The following SUGCT variants were observed in gnomAD, a reference collection of about 807,000 sequenced individuals.
SUGCT encodes succinyl-CoA:glutarate CoA-transferase.
SUGCT carries 41 observed loss-of-function variants against 55.0 expected under a neutral mutation model. That is an observed-to-expected ratio of 0.74 (90% CI 0.58 to 0.97). The LOEUF (loss-of-function observed/expected upper bound fraction) is 0.97. Among genes scored for constraint, SUGCT ranks in the 50% least tolerant of loss-of-function variants. SUGCT has a pLI of 0.00. For missense variants in SUGCT, 568 were observed against 547.8 expected, an observed-to-expected ratio of 1.04 and a Z score of -0.37; for synonymous variants, 187 against 200.4, an observed-to-expected ratio of 0.93 and a Z score of 0.56.
chr7:40,226,206 T>C (rs1443548761), intron 6 of SUGCT, among the ~76,000 whole-genome samples: 1 of 152,148 alleles, frequency 6.6e-6, no homozygotes. Context: ...AGGTTGGAGA[T>C]GCTGTATCTG....
chr7:40,656,559 T>A (rs1801027047), intron 12 of SUGCT, among the ~76,000 whole-genome samples: 1 of 152,218 alleles, frequency 6.6e-6, no homozygotes, highest in Admixed American at 6.5e-5. Flanking sequence ...GATGTGAAAC[T>A]GATTCCCTAC....
the SUGCT span, among the ~76,000 whole-genome samples, chr7:40,994,370 A>T: frequency 1.3e-5 from 2 of 149,982 alleles, no homozygotes; most frequent in African/African-American, 4.9e-5. Flanking sequence ...AACAAAGAAG[A>T]TATTTACATC....
intron 11 of SUGCT, among the ~76,000 whole-genome samples, chr7:40,481,055 C>T (rs887830900): frequency 1.3e-5 from 2 of 152,172 alleles, no homozygotes; most frequent in Admixed American, 1.3e-4. Context: ...TGGCCCATGC[C>T]TGTAATCCCA....
At chr7:40,602,062 G>A (rs1798318267) in intron 12 of SUGCT, among the ~76,000 whole-genome samples, 1 of 152,048 alleles carries the variant, frequency 6.6e-6, no homozygotes, top group Non-Finnish European at 1.5e-5. Flanking sequence ...TTTTAAACAT[G>A]GTTTCACTTT....
At chr7:40,329,729 A>G (rs1294435345) in intron 9 of SUGCT, among the ~76,000 whole-genome samples, 1 of 152,180 alleles carries the variant, frequency 6.6e-6, no homozygotes, top group Non-Finnish European at 1.5e-5. Flanking sequence ...CCTTGTTGTC[A>G]TTCTAATATG....
In SUGCT at chr7:40,361,073, A is replaced by G. The variant is rs557751135; in HGVS notation, c.816+44218A>G. ...GATTCTTAGGTGTTTTACTTCAGCC[A>G]CTGGGAGGATGTTATTAGGAAAGAT... is the stretch of plus-strand genomic sequence containing the variant. On this transcript the variant is annotated intron_variant, in intron 9 of 13. Coordinates refer to ENST00000335693, the MANE Select transcript of SUGCT (RefSeq NM_001193313.2). Among the ~76,000 whole-genome samples, 22 of 152,266 alleles carry G rather than the reference A, an allele frequency of 1.4e-4. No individual in the cohort carries two copies. The East Asian group carries it at 2.5e-3, about 17-fold the overall frequency.
the SUGCT span, chr7:40,979,699 TAAG>T: frequency 6.6e-6 from 1 of 152,224 alleles, no homozygotes; most frequent in African/African-American, 2.4e-5. Context: ...AGAGACATTT[TAAG>T]AAGAAGAATA....
chr7:40,196,761 G>A lies in SUGCT; in HGVS notation c.484+1701G>A, dbSNP rs542135863. On this transcript the variant is annotated intron_variant, in intron 6 of 13. Transcript: ENST00000335693. ...TGGCCAGGCTGGTCTTGAACTCCTT[G>A]CCTTATGTGATTGTGTTATTCTATT... 2.4e-4 allele frequency among the ~76,000 whole-genome samples: 37 copies of A among 152,024 alleles called. No individual in the cohort carries two copies. In the South Asian group the frequency reaches 7.5e-3, roughly 31 times the overall value.
intron 8 of SUGCT, among the ~76,000 whole-genome samples, chr7:40,313,201 C>T (rs1244553110): frequency 1.3e-5 from 2 of 152,054 alleles, no homozygotes; most frequent in African/African-American, 4.8e-5. Flanking sequence ...TTAGATGAAA[C>T]CATAAAAAGG....
At chr7:40,565,692 C>A (rs1043362848) in intron 12 of SUGCT, among the ~76,000 whole-genome samples, 11 of 152,184 alleles carry the variant, frequency 7.2e-5, no homozygotes, top group African/African-American at 2.6e-4. Context: ...CCATTTACCT[C>A]TATTATCTTA....
chr7:40,357,909 G>C (rs1304963103), intron 9 of SUGCT, among the ~76,000 whole-genome samples: 1 of 152,066 alleles, frequency 6.6e-6, no homozygotes. Context: ...GGCGTTGTTT[G>C]CTGACCCCTA....
At chr7:40,443,475 G>T (rs1423685683) in intron 9 of SUGCT, among the ~76,000 whole-genome samples, 1 of 152,198 alleles carries the variant, frequency 6.6e-6, no homozygotes, top group Non-Finnish European at 1.5e-5. Flanking sequence ...GATGGCCAGT[G>T]ATGATGAGCA....
intron 13 of SUGCT, among the ~76,000 whole-genome samples, chr7:40,827,766 G>T (rs1308074219): frequency 6.6e-6 from 1 of 152,048 alleles, no homozygotes; most frequent in Non-Finnish European, 1.5e-5. Context: ...CTTAAGCAAG[G>T]CTGGCAAAGG....
chr7:40,495,411 A>T (rs1165489422), intron 11 of SUGCT, among the ~76,000 whole-genome samples: 2 of 152,144 alleles, frequency 1.3e-5, no homozygotes, highest in Admixed American at 6.5e-5. Context: ...CTAATATTTT[A>T]AAAATGTCTC....
chr7:40,235,960 G>A (rs937596088), intron 6 of SUGCT, among the ~76,000 whole-genome samples: 21 of 152,158 alleles, frequency 1.4e-4, no homozygotes, highest in African/African-American at 5.1e-4. Context: ...GCAAGTAGCT[G>A]ATGTGTATGG....
intron 12 of SUGCT, among the ~76,000 whole-genome samples, chr7:40,627,841 A>T (rs1320492324): frequency 6.6e-6 from 1 of 152,208 alleles, no homozygotes; most frequent in Non-Finnish European, 1.5e-5. Context: ...CCATGACATG[A>T]AACTTCTCTG....
At chr7:40,968,741 T>G in the SUGCT span, among the ~76,000 whole-genome samples, 1 of 151,968 alleles carries the variant, frequency 6.6e-6, no homozygotes, top group Non-Finnish European at 1.5e-5. Context: ...TAACCAAGGC[T>G]GGGGCACAGA....
intron 12 of SUGCT, among the ~76,000 whole-genome samples, chr7:40,628,941 C>T (rs1028013594): frequency 2.0e-5 from 3 of 152,066 alleles, no homozygotes; most frequent in African/African-American, 7.2e-5. Flanking sequence ...GGGGTTTCAC[C>T]ATGTTGGCCA....
chr7:40,384,187 C>T (rs1425276877), intron 9 of SUGCT, among the ~76,000 whole-genome samples: 1 of 152,096 alleles, frequency 6.6e-6, no homozygotes, highest in East Asian at 1.9e-4. Flanking sequence ...GAACAAACTA[C>T]TGGCAGTTGT....
Sources: gnomAD v4.1 joint callset for allele counts (sites outside exome capture counted in the v4.1 genomes callset) on GRCh38, gnomAD v4.1.1 for gene constraint, MANE v1.5 for transcripts, NCBI Gene and HGNC (gene_info 2026-07-23, HGNC 2026-07-21) for gene names.